Variants in RASGRF1 observed in about 807,000 individuals in gnomAD.
RASGRF1 encodes the protein ras-specific guanine nucleotide-releasing factor 1.
RASGRF1 carries 40 observed loss-of-function variants against 138.7 expected under a neutral mutation model. The observed-to-expected ratio is 0.29, with a 90% CI of 0.22 to 0.38. The LOEUF (loss-of-function observed/expected upper bound fraction) is 0.38, where lower values mean the gene tolerates loss of function less well. Ranked by LOEUF, RASGRF1 falls within the 10% of genes least tolerant of loss-of-function variation. RASGRF1 has a pLI of 1.00. For missense variants in RASGRF1, 1,108 were observed against 1,650.4 expected (o/e 0.67, Z 5.69); for synonymous variants, 614 against 663.2 (o/e 0.93, Z 1.14).
At chr15:79,016,378 C>T (rs2056879225) in intron 12 of RASGRF1, among the ~76,000 whole-genome samples, 1 of 152,248 alleles carries the variant, frequency 6.6e-6, no homozygotes, top group South Asian at 2.1e-4. Context: ...ACTTCTCCCA[C>T]CCATCTGACA....
rs376297007 is a variant in RASGRF1 at position 79,032,354 on chromosome 15, C to A, written c.959-38G>T. ...GGCAGTCAGCGGGTGGCTAGGGCAG[C>A]TTGGTGGGGACAGAATCCCCTAGGC... On this transcript the variant is annotated intron_variant, in intron 6 of 26. Transcript: ENST00000558480. This position sits in a 1 kb window ranked among gnomAD's most constrained non-coding sequence, Gnocchi z 4.5. 8 of 1,598,514 alleles carry A rather than the reference C, an allele frequency of 5.0e-6. No individual in the cohort carries two copies. The highest frequency in any genetic ancestry group is 6.8e-6 in the Non-Finnish European group (8 of 1,168,442).
chr15:78,990,024 T>C (rs28674868), intron 22 of RASGRF1, 165 bp downstream of exon 22: 10,405 of 654,576 alleles, frequency 0.016, 115 homozygotes, highest in Non-Finnish European at 0.021. Context: ...AGACTGAGAC[T>C]GAGGTGAGGC....
intron 1 of RASGRF1, among the ~76,000 whole-genome samples, chr15:79,080,781 T>C (rs887174573): frequency 6.6e-6 from 1 of 152,218 alleles, no homozygotes; most frequent in Non-Finnish European, 1.5e-5. Context: ...AATCTAGTCT[T>C]TAGAGTATAA....
rs182638831 is a variant in RASGRF1 at position 79,033,894 on chromosome 15, C to T, written c.958+1237G>A. 6.6e-5 allele frequency among the ~76,000 whole-genome samples: 10 copies of T among 152,314 alleles called. No homozygotes were observed. The East Asian group carries it at 1.7e-3, about 26-fold the overall frequency. On this transcript the variant is annotated intron_variant, in intron 6 of 26. Transcript: ENST00000558480. ...CATGAGTCACCGTGCTCGGCCAAAA[C>T]ATCTTCTTATAAGTCCCATTTAAGA...
chr15:79,061,431 T>TATATATATATA (rs1555461889), intron 2 of RASGRF1, among the ~76,000 whole-genome samples: 4 of 144,586 alleles, frequency 2.8e-5, no homozygotes, highest in South Asian at 2.2e-4. Flanking sequence ...TATATATATA[T>TATATATATATA]CATTCATTTT....
rs149321145 is a variant in RASGRF1 at position 79,014,733 on chromosome 15, T to C, written c.1826+594A>G. Among the ~76,000 whole-genome samples, 10 of 152,008 alleles carry C rather than the reference T, an allele frequency of 6.6e-5. No homozygotes were observed. In the East Asian group the frequency reaches 1.9e-3, roughly 29 times the overall value. Reference sequence around the variant, plus strand: ...GAGATCGAGACCATACTGGCTAACATGGTGAAACCCTGTCTCTACTAAAAA... The same window carrying C: ...GAGATCGAGACCATACTGGCTAACACGGTGAAACCCTGTCTCTACTAAAAA... On this transcript the variant is annotated intron_variant, in intron 13 of 26. Coordinates refer to ENST00000558480, the MANE Select transcript of RASGRF1 (RefSeq NM_001145648.3).
chr15:79,002,857 A>G (rs930211076), intron 15 of RASGRF1, among the ~76,000 whole-genome samples: 5 of 152,212 alleles, frequency 3.3e-5, no homozygotes, highest in African/African-American at 1.2e-4. Flanking sequence ...GCCAGCTCAG[A>G]GGAGAGAAAT....
At chr15:79,047,043 T>C in intron 4 of RASGRF1, 44 bp from the exon 5 acceptor site, 1 of 1,590,456 alleles carries the variant, frequency 6.3e-7, no homozygotes, top group Non-Finnish European at 8.6e-7. Flanking sequence ...TCAGGGAGTC[T>C]GGACCACTCC....
At chr15:79,020,913 G>A (rs1295340435) in intron 10 of RASGRF1, among the ~76,000 whole-genome samples, 2 of 152,194 alleles carry the variant, frequency 1.3e-5, no homozygotes, top group East Asian at 3.8e-4. Flanking sequence ...GTGATGGTGT[G>A]CCACTTTGGA....
chr15:79,008,859 G>A (rs191715428), intron 13 of RASGRF1, among the ~76,000 whole-genome samples: 8 of 152,260 alleles, frequency 5.3e-5, no homozygotes, highest in East Asian at 1.9e-4. Context: ...GATGTGCAGC[G>A]CTCCGGAAAG....
intron 19 of RASGRF1, 134 bp downstream of exon 19, chr15:78,997,962 C>A (rs772437480): frequency 1.1e-4 from 80 of 707,002 alleles, no homozygotes; most frequent in Non-Finnish European, 2.7e-5. Context: ...TCTACCCCAG[C>A]ACTCCTACTT....
At chr15:78,964,268 G>A (rs767350281) in intron 26 of RASGRF1, among the ~76,000 whole-genome samples, 38 of 151,948 alleles carry the variant, frequency 2.5e-4, no homozygotes, top group Non-Finnish European at 4.4e-4. Context: ...TCCGCCTCCC[G>A]AGTTCAAGCG....
intron 6 of RASGRF1, 127 bp downstream of exon 6, chr15:79,035,004 A>T: frequency 1.5e-6 from 1 of 672,226 alleles, no homozygotes; most frequent in Non-Finnish European, 2.4e-6. Flanking sequence ...GCCCCCTCTG[A>T]GGGATTCTGT....
chr15:78,973,289 TG>T lies in RASGRF1; in HGVS notation c.3612+13del, dbSNP rs1017173334. 3.2e-6 allele frequency: 5 copies of T among 1,575,918 alleles called. No homozygotes were observed. The highest frequency in any genetic ancestry group is 1.4e-5 in the African/African-American group (1 of 73,802). The stretch of plus-strand genomic sequence containing the variant: ...CAACGCCCCCCTTCCCCTGCCTGGC[TG>T]GGGGGAACGCACCATCCTCATCTTG... On this transcript the variant is annotated intron_variant, in intron 25 of 26. Transcript: ENST00000558480. The surrounding 1 kb of genome is among the most constrained non-coding windows in gnomAD (Gnocchi z 4.9).
chr15:79,053,784 G>A (rs933821428), intron 3 of RASGRF1, among the ~76,000 whole-genome samples: 3 of 152,220 alleles, frequency 2.0e-5, no homozygotes, highest in East Asian at 1.9e-4. Flanking sequence ...TGTGGCCTGC[G>A]CACTCGCACA....
At chr15:79,016,868 T>C (rs998382015) in intron 12 of RASGRF1, among the ~76,000 whole-genome samples, 12 of 152,152 alleles carry the variant, frequency 7.9e-5, no homozygotes, top group Non-Finnish European at 1.6e-4. Context: ...TGCCCTGCCC[T>C]TTCAGTTTCT....
intron 2 of RASGRF1, among the ~76,000 whole-genome samples, chr15:79,061,411 AAAATATAT>A (rs2057603222): frequency 3.7e-5 from 1 of 27,040 alleles, no homozygotes; most frequent in African/African-American, 3.1e-4. Flanking sequence ...CACTATCTTT[AAAATATAT>A]ATATATATAT....
intron 1 of RASGRF1, among the ~76,000 whole-genome samples, chr15:79,083,596 C>A (rs938642696): frequency 6.6e-6 from 1 of 152,174 alleles, no homozygotes; most frequent in Non-Finnish European, 1.5e-5. Context: ...GCTATTAATT[C>A]TCTTTCTTTC....
chr15:79,022,350 G>A (rs2056972550), intron 10 of RASGRF1, among the ~76,000 whole-genome samples: 1 of 152,088 alleles, frequency 6.6e-6, no homozygotes, highest in South Asian at 2.1e-4. Flanking sequence ...TGAGGCAGGA[G>A]AATCTCTTGA....
Sources: gnomAD v4.1 joint callset for allele counts (sites outside exome capture counted in the v4.1 genomes callset) on GRCh38, gnomAD v4.1.1 for gene constraint, Gnocchi (gnomAD v3.1) non-coding constraint, MANE v1.5 for transcripts, NCBI Gene and HGNC (gene_info 2026-07-23, HGNC 2026-07-21) for gene names.